The following SPOCK3 variants were observed in gnomAD, a reference collection of about 807,000 sequenced individuals.
SPOCK3 encodes the protein testican-3.
Under a neutral mutation model 56.6 loss-of-function variants are expected in SPOCK3, and 30 were observed. The observed-to-expected ratio is 0.53, with a 90% confidence interval of 0.40 to 0.72. The LOEUF is 0.72. Ranked by LOEUF, SPOCK3 falls within the 30% of genes least tolerant of loss-of-function variation. The probability of loss-of-function intolerance (pLI) is 0.00; values close to 1 mark genes in which losing one functional copy is unlikely to be tolerated. For missense variants in SPOCK3, 527 were observed against 530.0 expected, an observed-to-expected ratio of 0.99 and a Z score of 0.06; for synonymous variants, 196 against 183.3, an observed-to-expected ratio of 1.07 and a Z score of -0.56.
At chr4:166,873,256 G>C (rs1031811817) in intron 6 of SPOCK3, among the ~76,000 whole-genome samples, 1 of 151,616 alleles carries the variant, frequency 6.6e-6, no homozygotes, top group Non-Finnish European at 1.5e-5. Flanking sequence ...AGAAGAGAGG[G>C]ATGAAAAGGT....
chr4:167,027,227 A>C (rs1427543475), intron 3 of SPOCK3, among the ~76,000 whole-genome samples: 1 of 152,026 alleles, frequency 6.6e-6, no homozygotes, highest in Non-Finnish European at 1.5e-5. Context: ...ATTTAGAACA[A>C]TATCTGCTTG....
At chr4:166,878,783 A>G (rs1397966373) in intron 6 of SPOCK3, among the ~76,000 whole-genome samples, 1 of 152,140 alleles carries the variant, frequency 6.6e-6, no homozygotes, top group African/African-American at 2.4e-5. Flanking sequence ...CATCGCTTCA[A>G]AACCTTGCTT....
Position 166,735,026 on chromosome 4 carries a change from CTCA to C in SPOCK3, c.1194_1196del (p.Asp398del), listed in dbSNP as rs1242361785. On this transcript the variant is annotated inframe_deletion, in exon 11 of 11. Coordinates refer to ENST00000357545, the MANE Select transcript of SPOCK3 (RefSeq NM_001040159.2). The stretch of plus-strand genomic sequence containing the variant: ...CATTCATAATATCGTCTTCATCATC[CTCA>C]TCATCAGTCCATTCATGAAAATCGC... 1 of 1,585,096 alleles carries C rather than the reference CTCA, an allele frequency of 6.3e-7. No individual in the cohort carries two copies. The highest frequency in any genetic ancestry group is 8.7e-7 in the Non-Finnish European group (1 of 1,154,754).
rs186272988 is a variant in SPOCK3 at position 166,839,028 on chromosome 4, C to T, written c.590-46739G>A. Among the ~76,000 whole-genome samples, 427 of 152,124 alleles carry T rather than the reference C, an allele frequency of 2.8e-3. 2 individuals carry two copies. Among genetic ancestry groups the T allele is most frequent in the Non-Finnish European group, 4.2e-3 (285 of 67,996 alleles). On this transcript the variant is annotated intron_variant, in intron 6 of 10. Transcript: ENST00000357545. ...TTATGAGGATTAGTGTCTGTGGTTA[C>T]ATTTTTCATTCAGTCTGTTGTCTTC...
At chr4:166,950,286 C>T (rs1054052381) in intron 4 of SPOCK3, among the ~76,000 whole-genome samples, 3 of 151,554 alleles carry the variant, frequency 2.0e-5, no homozygotes, top group African/African-American at 7.3e-5. Flanking sequence ...GGTTGCAATC[C>T]TAGTCTCTGA....
Position 167,088,106 on chromosome 4 carries a change from A to G in SPOCK3, c.190-25569T>C, listed in dbSNP as rs375332108. 3.3e-5 allele frequency among the ~76,000 whole-genome samples: 5 copies of G among 152,278 alleles called. No homozygotes were observed. In the South Asian group the frequency reaches 1.0e-3, roughly 32 times the overall value. On this transcript the variant is annotated intron_variant, in intron 2 of 10. Coordinates refer to ENST00000357545, the MANE Select transcript of SPOCK3 (RefSeq NM_001040159.2). The stretch of plus-strand genomic sequence containing the variant: ...ATGGCTCTTTTCTTAATTTTTCCGC[A>G]GGATGATATATAACAAGTACTATTC...
At chr4:166,920,821 T>A (rs1738398413) in intron 4 of SPOCK3, among the ~76,000 whole-genome samples, 1 of 152,178 alleles carries the variant, frequency 6.6e-6, no homozygotes, top group Non-Finnish European at 1.5e-5. Context: ...CTTTTAATTT[T>A]TAAAAAATTT....
chr4:166,780,559 T>A (rs1160874924), intron 7 of SPOCK3, among the ~76,000 whole-genome samples: 1 of 151,990 alleles, frequency 6.6e-6, no homozygotes, highest in African/African-American at 2.4e-5. Context: ...AAGCCCAATA[T>A]CCTGTCACTC....
At chr4:167,044,689 T>C (rs1199979863) in intron 3 of SPOCK3, among the ~76,000 whole-genome samples, 1 of 152,126 alleles carries the variant, frequency 6.6e-6, no homozygotes, top group Non-Finnish European at 1.5e-5. Flanking sequence ...TATCTACAAG[T>C]ATGTTGCTTA....
intron 5 of SPOCK3, among the ~76,000 whole-genome samples, chr4:166,893,087 T>A (rs1174713903): frequency 1.3e-5 from 2 of 152,036 alleles, no homozygotes; most frequent in Admixed American, 1.3e-4. Flanking sequence ...GGGAGAGTGA[T>A]TGTTTGGGCA....
chr4:167,126,997 G>C (rs1040379837), intron 2 of SPOCK3, among the ~76,000 whole-genome samples: 4 of 152,084 alleles, frequency 2.6e-5, no homozygotes, highest in African/African-American at 9.7e-5. Context: ...ATACTGCAAA[G>C]TACAGCCAGG....
intron 2 of SPOCK3, among the ~76,000 whole-genome samples, chr4:167,183,232 C>T (rs1731655814): frequency 6.6e-6 from 1 of 152,168 alleles, no homozygotes; most frequent in South Asian, 2.1e-4. Context: ...CCCAGCCCAA[C>T]TGCAGACATC....
intron 4 of SPOCK3, among the ~76,000 whole-genome samples, chr4:166,934,674 C>T (rs1421094718): frequency 6.6e-6 from 1 of 152,006 alleles, no homozygotes; most frequent in East Asian, 1.9e-4. Flanking sequence ...ATTATTAAAA[C>T]AATGTTGTGA....
chr4:166,982,447 G>A (rs940118142), intron 4 of SPOCK3, among the ~76,000 whole-genome samples: 3 of 152,168 alleles, frequency 2.0e-5, no homozygotes, highest in South Asian at 4.1e-4. Context: ...AGCTACTTGG[G>A]AGGCTGAAGA....
intron 4 of SPOCK3, among the ~76,000 whole-genome samples, chr4:166,963,845 G>A (rs1336643386): frequency 6.6e-6 from 1 of 151,786 alleles, no homozygotes; most frequent in African/African-American, 2.4e-5. Flanking sequence ...AAGCATAAAT[G>A]AGAGACAATT....
chr4:166,769,340 G>C (rs555185644), intron 7 of SPOCK3, among the ~76,000 whole-genome samples: 1 of 145,544 alleles, frequency 6.9e-6, no homozygotes, highest in African/African-American at 2.5e-5. Flanking sequence ...GGTCTTTGAT[G>C]ATGGTGACGT....
In SPOCK3 at chr4:166,798,508, A is replaced by G. The variant is rs549636902; in HGVS notation, c.590-6219T>C. ...CATATTCCATTCCACCATAGCTATG[A>G]TCAACAACAAGAACAAAGTGACAGA... is the stretch of plus-strand genomic sequence containing the variant. On this transcript the variant is annotated intron_variant, in intron 6 of 10. Coordinates refer to ENST00000357545, the MANE Select transcript of SPOCK3 (RefSeq NM_001040159.2). 9.2e-5 allele frequency among the ~76,000 whole-genome samples: 14 copies of G among 152,334 alleles called. No homozygotes were observed. The South Asian group carries it at 2.9e-3, about 32-fold the overall frequency.
chr4:166,850,707 G>C (rs1748597671), intron 6 of SPOCK3, among the ~76,000 whole-genome samples: 1 of 152,250 alleles, frequency 6.6e-6, no homozygotes, highest in Non-Finnish European at 1.5e-5. Context: ...AGGGGTGACA[G>C]ACGGCACCTG....
At chr4:167,223,313 A>T (rs71620430) in intron 2 of SPOCK3, among the ~76,000 whole-genome samples, 34,579 of 143,374 alleles carry the variant, frequency 0.24, 4,905 homozygotes, top group African/African-American at 0.39. Flanking sequence ...AATATGAATA[A>T]TCATATATAA....
Sources: allele counts gnomAD v4.1 joint callset (sites outside exome capture counted in the v4.1 genomes callset), GRCh38; gene constraint gnomAD v4.1.1; transcripts MANE v1.5; gene names NCBI Gene and HGNC (gene_info 2026-07-23, HGNC 2026-07-21).